NEK4: variants seen among roughly 807,000 people sequenced by gnomAD.
NEK4 encodes NIMA related kinase 4, also known as serine/threonine-protein kinase Nek4.
NEK4 carries 86 observed loss-of-function variants against 98.4 expected under a neutral mutation model. The ratio of observed to expected loss-of-function variants is 0.87; its 90% confidence interval spans 0.73 to 1.05. The LOEUF (loss-of-function observed/expected upper bound fraction) is 1.05, where lower values mean the gene tolerates loss of function less well. Among genes scored for constraint, NEK4 ranks in the 50% least tolerant of loss-of-function variants. NEK4 has a pLI of 0.00. For missense variants in NEK4, 898 were observed against 950.3 expected, an observed-to-expected ratio of 0.94 and a Z score of 0.72; for synonymous variants, 328 against 342.2, an observed-to-expected ratio of 0.96 and a Z score of 0.46.
chr3:52,759,043 A>G (rs182524880), intron 6 of NEK4, among the ~76,000 whole-genome samples: 26 of 150,670 alleles, frequency 1.7e-4, no homozygotes, highest in Admixed American at 3.3e-4. Flanking sequence ...GTGAGCTATG[A>G]TGATGCCACT....
intron 15 of NEK4, among the ~76,000 whole-genome samples, chr3:52,736,968 G>C (rs11130325): frequency 0.34 from 52,265 of 151,890 alleles, 9,979 homozygotes; most frequent in Admixed American, 0.46. Context: ...ACAGAGTCTT[G>C]CTCTGTCACC....
At chr3:52,755,436 G>A (rs1451130123) in intron 6 of NEK4, among the ~76,000 whole-genome samples, 3 of 150,624 alleles carry the variant, frequency 2.0e-5, no homozygotes, top group Non-Finnish European at 3.0e-5. Flanking sequence ...AAAAACACAT[G>A]ATCATCAACA....
In NEK4 at chr3:52,711,668, G is replaced by A. The variant is rs1333940329; in HGVS notation, c.*109C>T. 2 of 674,860 alleles carry A rather than the reference G, an allele frequency of 3.0e-6. No individual in the cohort carries two copies. Among genetic ancestry groups the A allele is most frequent in the Non-Finnish European group, 5.3e-6 (2 of 374,282 alleles). 41.8% of individuals were successfully genotyped at this position (674,860 alleles called of 1,614,324 possible). A position where few individuals can be genotyped will look rare whatever the true frequency, so the allele number is the denominator to read the frequency against. On this transcript the variant is annotated 3_prime_UTR_variant, in exon 16 of 16. Coordinates refer to ENST00000233027, the MANE Select transcript of NEK4 (RefSeq NM_003157.6). ...AAACGCCAAAGAGATATAAAAAAGA[G>A]ATATAAAACAGTGGTGAGTGGCTTC... is the stretch of plus-strand genomic sequence containing the variant.
chr3:52,735,295 A>G (rs1270819789), intron 15 of NEK4, among the ~76,000 whole-genome samples: 1 of 152,240 alleles, frequency 6.6e-6, no homozygotes, highest in African/African-American at 2.4e-5. Context: ...GTTAGAGCGA[A>G]ATTTATTTTG....
intron 6 of NEK4, among the ~76,000 whole-genome samples, chr3:52,756,384 A>C (rs2097415174): frequency 6.6e-6 from 1 of 152,240 alleles, no homozygotes; most frequent in South Asian, 2.1e-4. Context: ...GTGTAGTATT[A>C]GTATAAAAAC....
intron 6 of NEK4, among the ~76,000 whole-genome samples, chr3:52,759,748 T>C (rs1236762068): frequency 1.3e-5 from 2 of 152,166 alleles, no homozygotes; most frequent in African/African-American, 4.8e-5. Context: ...CTGCTAGGTA[T>C]GTACCCAAAA....
At chr3:52,741,108 C>T (rs765095495) in intron 13 of NEK4, among the ~76,000 whole-genome samples, 9 of 151,924 alleles carry the variant, frequency 5.9e-5, no homozygotes, top group African/African-American at 1.9e-4. Flanking sequence ...TGGTGGCGGA[C>T]GCCTGTGGTC....
intron 10 of NEK4, among the ~76,000 whole-genome samples, chr3:52,745,061 G>A (rs759593649): frequency 3.3e-4 from 50 of 151,824 alleles, no homozygotes; most frequent in Middle Eastern, 3.4e-3. Flanking sequence ...GACTACAGGC[G>A]CCCACCACAA....
At chr3:52,743,319 G>A (rs780553580) in intron 12 of NEK4, 33 bp downstream of exon 12, 1 of 1,544,220 alleles carries the variant, frequency 6.5e-7, no homozygotes, top group Admixed American at 1.7e-5. Flanking sequence ...GATGTAGACT[G>A]TCCACCTTCT....
At chr3:52,724,372 G>A (rs1230256585) in intron 15 of NEK4, among the ~76,000 whole-genome samples, 1 of 152,164 alleles carries the variant, frequency 6.6e-6, no homozygotes, top group Admixed American at 6.6e-5. Context: ...ATCAGGAACT[G>A]TGGAGGCCAG....
intron 15 of NEK4, among the ~76,000 whole-genome samples, chr3:52,713,188 T>A (rs2097352055): frequency 6.6e-6 from 1 of 152,194 alleles, no homozygotes; most frequent in South Asian, 2.1e-4. Context: ...AAATAACACC[T>A]AGTATGTTAA....
intron 7 of NEK4, among the ~76,000 whole-genome samples, chr3:52,751,623 A>G (rs536926875): frequency 2.1e-4 from 29 of 136,796 alleles, no homozygotes; most frequent in Admixed American, 1.0e-3. Flanking sequence ...CTCTGTCTCA[A>G]AAAAAAAAAG....
chr3:52,752,933 T>TATATATATATATATACACACACAC (rs148965312), intron 6 of NEK4, among the ~76,000 whole-genome samples: 31 of 75,528 alleles, frequency 4.1e-4, no homozygotes, highest in Non-Finnish European at 6.2e-4. Flanking sequence ...TATATATATA[T>TATATATATATATATACACACACAC]ACACACACAC....
At chr3:52,744,630 GC>G (rs1248654626) in intron 10 of NEK4, among the ~76,000 whole-genome samples, 1 of 147,736 alleles carries the variant, frequency 6.8e-6, no homozygotes, top group African/African-American at 2.5e-5. Context: ...GTTGCAATGA[GC>G]TGAGATCGCG....
At chr3:52,737,786 AT>A in intron 14 of NEK4, 67 bp from the exon 15 acceptor site, 2 of 1,116,234 alleles carry the variant, frequency 1.8e-6, no homozygotes, top group Non-Finnish European at 2.5e-6. Context: ...GAACACTGCA[AT>A]TTTTTAAAAT....
intron 7 of NEK4, among the ~76,000 whole-genome samples, chr3:52,750,790 A>T (rs938352985): frequency 1.4e-5 from 2 of 141,350 alleles, no homozygotes; most frequent in South Asian, 2.2e-4. Context: ...GAAATAAAAA[A>T]ATTAGCAGGG....
At chr3:52,713,728 A>C (rs2097352491) in intron 15 of NEK4, among the ~76,000 whole-genome samples, 1 of 142,166 alleles carries the variant, frequency 7.0e-6, no homozygotes, top group Admixed American at 7.3e-5. Flanking sequence ...CGCGAGGCGG[A>C]GGTTGCGGTG....
At chr3:52,740,047 C>A (rs1015870868) in intron 13 of NEK4, among the ~76,000 whole-genome samples, 6 of 152,090 alleles carry the variant, frequency 3.9e-5, no homozygotes, top group Non-Finnish European at 5.9e-5. Flanking sequence ...ACAAATTCTG[C>A]CTATTTCAAA....
chr3:52,728,839 C>T (rs2097366970), intron 15 of NEK4, among the ~76,000 whole-genome samples: 1 of 152,108 alleles, frequency 6.6e-6, no homozygotes, highest in Non-Finnish European at 1.5e-5. Flanking sequence ...TAAACGGCTG[C>T]TCTGGGAGTG....
Sources: allele counts gnomAD v4.1 joint callset (sites outside exome capture counted in the v4.1 genomes callset), GRCh38; gene constraint gnomAD v4.1.1; transcripts MANE v1.5; gene names NCBI Gene and HGNC (gene_info 2026-07-23, HGNC 2026-07-21).